Variants in PTPRG observed in about 807,000 individuals in gnomAD.
PTPRG encodes receptor-type tyrosine-protein phosphatase gamma.
A neutral mutation model predicts 165.3 loss-of-function variants in PTPRG; 102 were observed. That is an observed-to-expected ratio of 0.62 (90% confidence interval 0.53 to 0.73). The LOEUF (loss-of-function observed/expected upper bound fraction) is 0.73, where lower values mean the gene tolerates loss of function less well. Among genes scored for constraint, PTPRG ranks in the 30% least tolerant of loss-of-function variants. PTPRG has a pLI of 0.00. For synonymous variants in PTPRG, 675 were observed against 669.5 expected, an observed-to-expected ratio of 1.01 and a Z score of -0.13; for missense variants, 1,866 against 1,861.4, an observed-to-expected ratio of 1.00 and a Z score of -0.05.
At chr3:62,284,007 G>C (rs1330225556) in intron 28 of PTPRG, among the ~76,000 whole-genome samples, 2 of 152,168 alleles carry the variant, frequency 1.3e-5, no homozygotes, top group Admixed American at 6.6e-5. Flanking sequence ...AAAATAACTG[G>C]GGAGTTGCTA....
chr3:62,034,815 C>A (rs1699891008), intron 4 of PTPRG, among the ~76,000 whole-genome samples: 1 of 152,160 alleles, frequency 6.6e-6, no homozygotes, highest in Admixed American at 6.5e-5. Context: ...TCTTTCTCCA[C>A]AGTATACTTG....
chr3:61,920,769 C>T (rs574805819), intron 2 of PTPRG, among the ~76,000 whole-genome samples: 13 of 152,164 alleles, frequency 8.5e-5, no homozygotes, highest in Admixed American at 4.6e-4. Context: ...TCCTTATGCC[C>T]CCTGAGATAC....
At chr3:62,247,172 A>G (rs1400606059) in intron 15 of PTPRG, among the ~76,000 whole-genome samples, 4 of 152,026 alleles carry the variant, frequency 2.6e-5, no homozygotes, top group Admixed American at 6.6e-5. Context: ...TGACACCCCC[A>G]TTTTCTGGAT....
At chr3:61,699,068 T>C (rs1017149888) in intron 1 of PTPRG, among the ~76,000 whole-genome samples, 8 of 151,898 alleles carry the variant, frequency 5.3e-5, no homozygotes, top group East Asian at 1.9e-4. Flanking sequence ...ACACCTAATG[T>C]TAAATCACGA....
intron 5 of PTPRG, among the ~76,000 whole-genome samples, chr3:62,092,063 GACACACACACACACACACACACACAC>G (rs58689072): frequency 0.014 from 1,555 of 114,932 alleles, 32 homozygotes; most frequent in East Asian, 0.029. Context: ...CTTATACATG[GACACACACACACACACACACACACAC>G]ACACACACAC....
intron 1 of PTPRG, among the ~76,000 whole-genome samples, chr3:61,660,195 A>G (rs1296974557): frequency 6.6e-6 from 1 of 152,214 alleles, no homozygotes; most frequent in Non-Finnish European, 1.5e-5. Flanking sequence ...ACTGCACTCC[A>G]GCCTGGCGAC....
At chr3:62,257,800 T>A (rs949503802) in intron 16 of PTPRG, among the ~76,000 whole-genome samples, 31 of 151,868 alleles carry the variant, frequency 2.0e-4, no homozygotes, top group African/African-American at 5.6e-4. Flanking sequence ...ACAAAAAAAA[T>A]TTTTTTTAAT....
chr3:61,692,206 A>G (rs1200870273), intron 1 of PTPRG, among the ~76,000 whole-genome samples: 2 of 152,250 alleles, frequency 1.3e-5, no homozygotes, highest in African/African-American at 2.4e-5. Flanking sequence ...TAAGTTGCAA[A>G]TAGCATTCCT....
At chr3:61,615,694 A>G (rs1195850080) in intron 1 of PTPRG, among the ~76,000 whole-genome samples, 1 of 152,070 alleles carries the variant, frequency 6.6e-6, no homozygotes, top group African/African-American at 2.4e-5. Context: ...TTTTTATTTT[A>G]TTTGGGTTAT....
Position 62,192,112 on chromosome 3 carries a change from C to T in PTPRG, c.1218+459C>T, listed in dbSNP as rs1699842960. Among the ~76,000 whole-genome samples, 7 of 152,162 alleles carry T rather than the reference C, an allele frequency of 4.6e-5. No individual in the cohort carries two copies. The South Asian group carries it at 1.4e-3, about 31-fold the overall frequency. ...AAAGCTACTGCTGCTGATGTCACCA[C>T]CACCACTGTCCACAGTCGCTGCCAC... is the stretch of plus-strand genomic sequence containing the variant. On this transcript the variant is annotated intron_variant, in intron 9 of 29. Coordinates refer to ENST00000474889, the MANE Select transcript of PTPRG (RefSeq NM_002841.4).
At chr3:61,658,702 C>A (rs140376130) in intron 1 of PTPRG, among the ~76,000 whole-genome samples, 1 of 152,186 alleles carries the variant, frequency 6.6e-6, no homozygotes, top group African/African-American at 2.4e-5. Flanking sequence ...TGGTCTTGTT[C>A]ACTGCTCTGT....
intron 6 of PTPRG, among the ~76,000 whole-genome samples, chr3:62,137,232 C>CA (rs1168018855): frequency 6.6e-5 from 10 of 152,244 alleles, no homozygotes; most frequent in African/African-American, 2.4e-4. Flanking sequence ...TCATTACCAG[C>CA]ACTTTTTGTA....
chr3:62,265,896 T>TATACACACACACACACAC lies in PTPRG; in HGVS notation c.2657-1513_2657-1512insTACACACACACACACACA, dbSNP rs1553662684. On this transcript the variant is annotated intron_variant, in intron 17 of 29. Coordinates refer to ENST00000474889, the MANE Select transcript of PTPRG (RefSeq NM_002841.4). Reference sequence around the variant, plus strand: ...CACACGTATACATCTGTGCCTTATATACACACACACACACACACACACACA... The same window carrying TATACACACACACACACAC: ...CACACGTATACATCTGTGCCTTATATATACACACACACACACACACACACACACACACACACACACACA... Among the ~76,000 whole-genome samples, 1,152 of 130,596 alleles carry TATACACACACACACACAC rather than the reference T, an allele frequency of 8.8e-3. 6 individuals carry two copies. Among genetic ancestry groups the TATACACACACACACACAC allele is most frequent in the African/African-American group, 0.023 (785 of 34,434 alleles). 85.7% of individuals were successfully genotyped at this position (130,596 alleles called of 152,430 possible). A position where few individuals can be genotyped will look rare whatever the true frequency, so the allele number is the denominator to read the frequency against.
Position 61,621,051 on chromosome 3 carries a change from A to ATATATGTGTGTGTG in PTPRG, c.85+58680_85+58681insATATGTGTGTGTGT. Reference sequence around the variant, plus strand: ...TGTGTGTGTATATATATATATATATATGTGTGTGTGTGTGTGTGTGTGTGT... The same window carrying ATATATGTGTGTGTG: ...TGTGTGTGTATATATATATATATATATATATGTGTGTGTGTGTGTGTGTGTGTGTGTGTGTGTGT... On this transcript the variant is annotated intron_variant, in intron 1 of 29. Coordinates refer to ENST00000474889, the MANE Select transcript of PTPRG (RefSeq NM_002841.4). Among the ~76,000 whole-genome samples, 11 of 117,996 alleles carry ATATATGTGTGTGTG rather than the reference A, an allele frequency of 9.3e-5. 1 individual carries two copies. Among genetic ancestry groups the ATATATGTGTGTGTG allele is most frequent in the African/African-American group, 3.3e-4 (11 of 33,524 alleles). 77.4% of individuals were successfully genotyped at this position (117,996 alleles called of 152,430 possible).
intron 2 of PTPRG, among the ~76,000 whole-genome samples, chr3:61,798,366 T>C (rs1025218571): frequency 1.4e-4 from 21 of 152,194 alleles, no homozygotes; most frequent in African/African-American, 5.1e-4. Flanking sequence ...TGACAGTAAA[T>C]GACAACTAGT....
intron 2 of PTPRG, chr3:61,753,556 C>G (rs2033525501): frequency 2.3e-6 from 1 of 439,468 alleles, no homozygotes; most frequent in Non-Finnish European, 4.5e-6. Context: ...AATCATAAAT[C>G]TAGAGTAACT....
chr3:61,590,554 T>C (rs1700544306), intron 1 of PTPRG, among the ~76,000 whole-genome samples: 1 of 152,120 alleles, frequency 6.6e-6, no homozygotes, highest in African/African-American at 2.4e-5. Flanking sequence ...ATAAATACGT[T>C]TTTTTCTTAG....
intron 2 of PTPRG, among the ~76,000 whole-genome samples, chr3:61,898,428 G>A (rs1265700678): frequency 6.6e-6 from 1 of 152,068 alleles, no homozygotes; most frequent in Non-Finnish European, 1.5e-5. Flanking sequence ...GCTTTTTTCT[G>A]TCTTCCTCTT....
At chr3:61,924,416 G>A (rs1413144507) in intron 2 of PTPRG, among the ~76,000 whole-genome samples, 3 of 152,250 alleles carry the variant, frequency 2.0e-5, no homozygotes, top group Non-Finnish European at 4.4e-5. Context: ...ATTAAGCACT[G>A]TCATTTTTAG....
Sources: allele counts gnomAD v4.1 joint callset (sites outside exome capture counted in the v4.1 genomes callset), GRCh38; gene constraint gnomAD v4.1.1; transcripts MANE v1.5; gene names NCBI Gene and HGNC (gene_info 2026-07-23, HGNC 2026-07-21).